Variants in SYT9 observed in about 807,000 individuals in gnomAD.
SYT9 encodes synaptotagmin 9.
SYT9 carries 22 observed loss-of-function variants against 48.4 expected under a neutral mutation model. That is an observed-to-expected ratio of 0.45 (90% CI 0.32 to 0.65). SYT9 has a LOEUF of 0.65. Among genes scored for constraint, SYT9 ranks in the 30% least tolerant of loss-of-function variants. The probability of loss-of-function intolerance (pLI) is 0.03; values close to 1 mark genes in which losing one functional copy is unlikely to be tolerated. For synonymous variants in SYT9, 265 were observed against 245.0 expected (o/e 1.08, Z -0.76); for missense variants, 577 against 622.0 (o/e 0.93, Z 0.77).
chr11:7,263,966 A>G (rs1047338492), intron 1 of SYT9, among the ~76,000 whole-genome samples: 2 of 152,118 alleles, frequency 1.3e-5, no homozygotes, highest in Admixed American at 6.6e-5. Context: ...GGAGAGAGGG[A>G]AAAATGATGT....
intron 6 of SYT9, among the ~76,000 whole-genome samples, chr11:7,461,704 G>A (rs61127106): frequency 0.33 from 49,500 of 152,044 alleles, 9,292 homozygotes; most frequent in African/African-American, 0.52. Context: ...CAGCACAAAT[G>A]CCCGGTGCTC....
intron 3 of SYT9, among the ~76,000 whole-genome samples, chr11:7,342,387 C>T (rs959734024): frequency 2.0e-5 from 3 of 152,188 alleles, no homozygotes; most frequent in East Asian, 1.9e-4. Context: ...GATAAATACA[C>T]GCATTCCAAA....
At chr11:7,419,845 G>A (rs905149289) in intron 5 of SYT9, among the ~76,000 whole-genome samples, 5 of 152,144 alleles carry the variant, frequency 3.3e-5, no homozygotes, top group Non-Finnish European at 4.4e-5. Flanking sequence ...GCAGTGAGCC[G>A]AGATCATGCC....
intron 3 of SYT9, among the ~76,000 whole-genome samples, chr11:7,338,199 G>C (rs908160692): frequency 6.6e-6 from 1 of 152,098 alleles, no homozygotes; most frequent in Non-Finnish European, 1.5e-5. Context: ...TGTGGCATCT[G>C]TGGTTACATC....
chr11:7,257,470 T>A (rs1847995284), intron 1 of SYT9, among the ~76,000 whole-genome samples: 1 of 152,166 alleles, frequency 6.6e-6, no homozygotes, highest in Non-Finnish European at 1.5e-5. Flanking sequence ...TCACCCTATG[T>A]TAAATTATAA....
chr11:7,250,261 A>G (rs147812650), upstream of SYT9, among the ~76,000 whole-genome samples: 50 of 152,240 alleles, frequency 3.3e-4, no homozygotes, highest in African/African-American at 1.2e-3. Context: ...TCAAATTTGG[A>G]TGTTTCTAGC....
rs766198197 is a variant in SYT9, at chr11:7,303,385, G to A, written c.492G>A (p.Ser164=). 1.8e-5 allele frequency: 29 copies of A among 1,604,446 alleles called. No homozygotes were observed. The highest frequency in any genetic ancestry group is 3.3e-5 in the Admixed American group (2 of 59,742). Residue 164 remains serine (S), a synonymous_variant, in exon 2 of 7, where the codon TCG becomes TCA. Coordinates refer to ENST00000318881, the MANE Select transcript of SYT9 (RefSeq NM_175733.4). ...GCCAAGTCACAGAGCCAACCTCGTC[G>A]GCCCGGTCAGTAATGCCTTCTCCTT... ...VQRQVTEPTS[S]ARHNSIRRQL... is the part of the protein sequence containing the mutation.
At chr11:7,388,520 A>G (rs2134056546) in intron 3 of SYT9, among the ~76,000 whole-genome samples, 1 of 151,876 alleles carries the variant, frequency 6.6e-6, no homozygotes, top group South Asian at 2.1e-4. Flanking sequence ...TATTTCCTTC[A>G]TTCTACTTAA....
intron 5 of SYT9, among the ~76,000 whole-genome samples, chr11:7,419,765 C>G (rs1847316185): frequency 6.6e-6 from 1 of 152,100 alleles, no homozygotes; most frequent in Admixed American, 6.5e-5. Flanking sequence ...GGCATGGTGG[C>G]ATGCACCTGT....
At chr11:7,279,276 A>G (rs942172027) in intron 1 of SYT9, among the ~76,000 whole-genome samples, 2 of 152,208 alleles carry the variant, frequency 1.3e-5, no homozygotes, top group Non-Finnish European at 2.9e-5. Flanking sequence ...GTAAACTTCC[A>G]TGCTTCTCTT....
intron 3 of SYT9, among the ~76,000 whole-genome samples, chr11:7,379,957 A>G (rs1850530304): frequency 6.6e-6 from 1 of 152,194 alleles, no homozygotes; most frequent in South Asian, 2.1e-4. Flanking sequence ...CCCAAAAGAA[A>G]GTAACTCAAA....
intron 3 of SYT9, among the ~76,000 whole-genome samples, chr11:7,337,471 A>G (rs1432999704): frequency 1.3e-5 from 2 of 152,198 alleles, no homozygotes; most frequent in East Asian, 1.9e-4. Context: ...TCCAGTTTTT[A>G]TCCATTCAGT....
chr11:7,317,883 G>A (rs1286860811), intron 3 of SYT9, among the ~76,000 whole-genome samples: 3 of 152,120 alleles, frequency 2.0e-5, no homozygotes, highest in Non-Finnish European at 2.9e-5. Flanking sequence ...CTTAACATCT[G>A]GAAGGGCAAA....
At chr11:7,415,396 A>G (rs1847222462) in intron 3 of SYT9, among the ~76,000 whole-genome samples, 1 of 152,148 alleles carries the variant, frequency 6.6e-6, no homozygotes, top group African/African-American at 2.4e-5. Flanking sequence ...GTATGCAGCC[A>G]GGGTGTGTGC....
chr11:7,451,778 C>T (rs1848057528), intron 6 of SYT9, among the ~76,000 whole-genome samples: 1 of 152,162 alleles, frequency 6.6e-6, no homozygotes, highest in Admixed American at 6.5e-5. Context: ...TAATAGAGTG[C>T]ACTCCGGGAT....
intron 3 of SYT9, among the ~76,000 whole-genome samples, chr11:7,337,096 T>G (rs111601430): frequency 3.1e-3 from 478 of 152,318 alleles, no homozygotes; most frequent in Non-Finnish European, 5.7e-3. Flanking sequence ...TATTTTATTC[T>G]TTTTGTGACA....
intron 1 of SYT9, among the ~76,000 whole-genome samples, chr11:7,282,920 A>ACG (rs1554900171): frequency 6.6e-6 from 1 of 150,556 alleles, no homozygotes; most frequent in African/African-American, 2.5e-5. Context: ...ACACACACAC[A>ACG]CACACGCACA....
At chr11:7,404,887 C>G (rs2134079690) in intron 3 of SYT9, among the ~76,000 whole-genome samples, 1 of 152,232 alleles carries the variant, frequency 6.6e-6, no homozygotes. Context: ...CCATACAGAT[C>G]ACAGAAAGAG....
At chr11:7,409,306 A>G (rs931453628) in intron 3 of SYT9, among the ~76,000 whole-genome samples, 14 of 152,056 alleles carry the variant, frequency 9.2e-5, no homozygotes, top group African/African-American at 3.4e-4. Context: ...ACTTGCTAGT[A>G]GTTTGTTGAG....
Sources: gnomAD v4.1 joint callset for allele counts (sites outside exome capture counted in the v4.1 genomes callset) on GRCh38, gnomAD v4.1.1 for gene constraint, MANE v1.5 for transcripts, NCBI Gene and HGNC (gene_info 2026-07-23, HGNC 2026-07-21) for gene names.